NUMA1: variants seen among roughly 807,000 people sequenced by gnomAD.
NUMA1 encodes the protein nuclear mitotic apparatus protein 1.
Under a neutral mutation model 237.1 loss-of-function variants are expected in NUMA1, and 62 were observed. That is an observed-to-expected ratio of 0.26 (90% confidence interval 0.21 to 0.32). NUMA1 has a LOEUF of 0.32. Among genes scored for constraint, NUMA1 ranks in the 10% least tolerant of loss-of-function variants. The pLI is 1.00. For synonymous variants in NUMA1, 1,028 were observed against 1,066.1 expected (o/e 0.96, Z 0.70); for missense variants, 2,533 against 2,666.5 (o/e 0.95, Z 1.10).
chr11:72,008,291 T>C (rs1565193334), intron 20 of NUMA1: 5 of 375,584 alleles, frequency 1.3e-5, no homozygotes, highest in African/African-American at 6.3e-5. Context: ...CCTTTTTTTT[T>C]CTCCTAAACC....
At chr11:72,033,445 C>T (rs1416304590) in intron 3 of NUMA1, among the ~76,000 whole-genome samples, 3 of 151,054 alleles carry the variant, frequency 2.0e-5, no homozygotes, top group Non-Finnish European at 4.4e-5. Context: ...GATCACAGCT[C>T]ACTGCAGCTT....
chr11:72,036,260 A>G (rs1277527207), intron 2 of NUMA1, among the ~76,000 whole-genome samples: 1 of 152,078 alleles, frequency 6.6e-6, no homozygotes, highest in Non-Finnish European at 1.5e-5. Context: ...CTTCAACCCT[A>G]CTCTTTGGGA....
intron 23 of NUMA1, 124 bp downstream of exon 23, chr11:72,005,109 A>T: frequency 8.8e-7 from 1 of 1,139,864 alleles, no homozygotes; most frequent in Non-Finnish European, 1.2e-6. Context: ...AAACATGAGA[A>T]GGTCACCCTC....
At chr11:72,042,806 G>A (rs1044889412) in intron 2 of NUMA1, among the ~76,000 whole-genome samples, 11 of 152,176 alleles carry the variant, frequency 7.2e-5, no homozygotes, top group Non-Finnish European at 1.3e-4. Flanking sequence ...CAGGTAATGA[G>A]GGCACACAAG....
chr11:72,003,676 G>T, intron 26 of NUMA1, 138 bp from the exon 27 acceptor site: 1 of 1,199,842 alleles, frequency 8.3e-7, no homozygotes. Context: ...TCAGTTGCTG[G>T]CTGTGCCTGA....
intron 2 of NUMA1, among the ~76,000 whole-genome samples, chr11:72,051,421 G>A (rs1414623674): frequency 2.0e-5 from 3 of 151,502 alleles, no homozygotes; most frequent in South Asian, 2.1e-4. Flanking sequence ...AGGGATATTC[G>A]ACTATAAACA....
At chr11:72,010,932 G>A in intron 16 of NUMA1, 78 bp from the exon 17 acceptor site, 1 of 1,288,392 alleles carries the variant, frequency 7.8e-7, no homozygotes. Context: ...CCCATCATGG[G>A]GTTTCCCAGA....
chr11:72,031,706 C>T (rs1272698912), intron 3 of NUMA1, among the ~76,000 whole-genome samples: 1 of 151,950 alleles, frequency 6.6e-6, no homozygotes. Context: ...CCCTGCTACT[C>T]GGGAGGCTGA....
At position 72,013,751 on chromosome 11, in the gene NUMA1, A is replaced by C; in HGVS notation, c.3752T>G (p.Leu1251Trp). The C allele has an allele frequency of 9.9e-6, 16 of 1,610,086 alleles. No individual in the cohort carries two copies. The highest frequency in any genetic ancestry group is 1.4e-5 in the Non-Finnish European group (16 of 1,180,000). Reference protein sequence around the residue: ...VLEKEGESKELKRLVMAESEK... With the variant: ...VLEKEGESKEWKRLVMAESEK... ...TGACTCGGCCATCACCAGCCGCTTC[A>C]ACTCCTTGCTCTCCCCCTCCTTCTC... is the stretch of plus-strand genomic sequence containing the variant. Residue 1251 changes from leucine (L) to tryptophan (W), a missense_variant, in exon 15 of 27, where the codon TTG (leucine) becomes TGG (tryptophan). Physicochemically the swap from Leu to Trp is moderately conservative, Grantham distance 61 (BLOSUM62 -2). Around this residue, in one of 3 missense-constraint regions of NUMA1, gnomAD observed 324 missense variants for 407.6 expected, o/e 0.79. Transcript: ENST00000393695. This position sits in a 1 kb window ranked among gnomAD's most constrained non-coding sequence, Gnocchi z 6.8.
At chr11:72,072,725 A>G (rs1266301126) in intron 1 of NUMA1, among the ~76,000 whole-genome samples, 1 of 152,078 alleles carries the variant, frequency 6.6e-6, no homozygotes, top group Admixed American at 6.6e-5. Flanking sequence ...GCCTTTCTAG[A>G]CAGCTCCTCC....
intron 3 of NUMA1, among the ~76,000 whole-genome samples, chr11:72,031,677 G>A (rs1044197172): frequency 3.3e-5 from 5 of 151,952 alleles, no homozygotes; most frequent in Admixed American, 1.3e-4. Context: ...GGTGGCTTGC[G>A]CCTGTATGCT....
intron 16 of NUMA1, 111 bp downstream of exon 16, chr11:72,012,290 T>C: frequency 9.6e-7 from 1 of 1,042,668 alleles, no homozygotes; most frequent in Non-Finnish European, 1.5e-6. Flanking sequence ...CCTGCCCCCT[T>C]CACAAACAGT....
chr11:72,052,435 G>A (rs1942417908), intron 2 of NUMA1, among the ~76,000 whole-genome samples: 1 of 152,148 alleles, frequency 6.6e-6, no homozygotes. Flanking sequence ...GTTGAACAAT[G>A]GCATGCAGTT....
intron 3 of NUMA1, 63 bp downstream of exon 3, chr11:72,035,839 T>C: frequency 6.6e-7 from 1 of 1,504,596 alleles, no homozygotes; most frequent in Non-Finnish European, 9.3e-7. Flanking sequence ...ACAAAACTCC[T>C]CTCCTAACTC....
intron 3 of NUMA1, among the ~76,000 whole-genome samples, chr11:72,033,360 C>G (rs911341917): frequency 3.5e-4 from 8 of 22,884 alleles, no homozygotes; most frequent in Admixed American, 1.2e-3. Context: ...CATGCATGTT[C>G]TTTGTTTTTT....
At chr11:72,036,961 G>A (rs1308712385) in intron 2 of NUMA1, among the ~76,000 whole-genome samples, 2 of 152,138 alleles carry the variant, frequency 1.3e-5, no homozygotes, top group Admixed American at 6.5e-5. Context: ...GAACAAGAGT[G>A]GTAAGAGCCA....
chr11:72,029,151 C>A (rs1192819088), intron 4 of NUMA1, 54 bp downstream of exon 4: 2 of 1,310,800 alleles, frequency 1.5e-6, no homozygotes, highest in African/African-American at 2.9e-5. Flanking sequence ...ACAGCCCCCA[C>A]CCCAGCAATC....
At chr11:72,058,542 T>G (rs1942783897) in intron 2 of NUMA1, among the ~76,000 whole-genome samples, 1 of 152,246 alleles carries the variant, frequency 6.6e-6, no homozygotes. Flanking sequence ...CAAACAATGC[T>G]GTAATGAGTA....
Position 72,019,598 on chromosome 11 carries a change from A to C in NUMA1, c.480T>G (p.Cys160Trp), listed in dbSNP as rs374754809. 13 of 1,613,730 alleles carry C rather than the reference A, an allele frequency of 8.1e-6. No homozygotes were observed. The African/African-American group carries it at 1.7e-4, about 22-fold the overall frequency. ...FLQKAPVPST[C>W]SSTFPEELSP... ...AGAGCTCTTCAGGGAATGTGCTAGAACAGGTAGAAGGCACAGGAGCTGGGG... is the reference window on the plus strand; with the variant it reads ...AGAGCTCTTCAGGGAATGTGCTAGACCAGGTAGAAGGCACAGGAGCTGGGG... Residue 160 changes from cysteine (C) to tryptophan (W), a missense_variant, in exon 9 of 27, where the codon TGT becomes TGG. Physicochemically the swap from Cys to Trp is radical, Grantham distance 215 (BLOSUM62 -2). This residue lies in a region of NUMA1 where 1,414 missense variants were observed against 1,508.1 expected (regional missense o/e 0.94). Transcript: ENST00000393695.
Sources: gnomAD v4.1 joint callset for allele counts (sites outside exome capture counted in the v4.1 genomes callset) on GRCh38, gnomAD v4.1.1 for gene constraint, gnomAD v4.1.1 regional missense constraint, Gnocchi (gnomAD v3.1) non-coding constraint, MANE v1.5 for transcripts, NCBI Gene and HGNC (gene_info 2026-07-23, HGNC 2026-07-21) for gene names.